SMARCAL1: variants seen among roughly 807,000 people sequenced by gnomAD.
SMARCAL1 encodes the protein ATP-driven annealing helicase.
Under a neutral mutation model 94.5 loss-of-function variants are expected in SMARCAL1, and 58 were observed. The ratio of observed to expected loss-of-function variants is 0.61; its 90% CI spans 0.50 to 0.76. The LOEUF (loss-of-function observed/expected upper bound fraction) is 0.76, where lower values mean the gene tolerates loss of function less well. Among genes scored for constraint, SMARCAL1 ranks in the 30% least tolerant of loss-of-function variants. The pLI, the probability that SMARCAL1 is intolerant of heterozygous loss-of-function variation, is 0.00. For missense variants in SMARCAL1, 1,051 were observed against 1,177.9 expected (o/e 0.89, Z 1.58); for synonymous variants, 422 against 455.1 (o/e 0.93, Z 0.93).
At chr2:216,439,955 T>A (rs1694162836) in intron 10 of SMARCAL1, among the ~76,000 whole-genome samples, 1 of 150,978 alleles carries the variant, frequency 6.6e-6, no homozygotes, top group South Asian at 2.1e-4. Flanking sequence ...GGCAGGAGAA[T>A]CGCTTGAACC....
At chr2:216,446,565 C>A in intron 10 of SMARCAL1, 1 of 403,944 alleles carries the variant, frequency 2.5e-6, no homozygotes. Context: ...TTCAGACCTG[C>A]CACTGTCTTC....
rs577447852 is a variant in SMARCAL1 at position 216,428,900 on chromosome 2, T to G, written c.1334+118T>G. ...TTATTTACCATGGATAGATGAAAAT[T>G]TAGAAGAGTCTAGGCATTAAACAGC... On this transcript the variant is annotated intron_variant, in intron 7 of 17. Coordinates refer to ENST00000357276, the MANE Select transcript of SMARCAL1 (RefSeq NM_014140.4). 6 of 964,888 alleles carry G rather than the reference T, an allele frequency of 6.2e-6. No homozygotes were observed. In the South Asian group the frequency reaches 6.7e-5, roughly 11 times the overall value. 59.8% of individuals were successfully genotyped at this position (964,888 alleles called of 1,614,324 possible).
intron 3 of SMARCAL1, chr2:216,415,907 G>A (rs1230607491): frequency 5.0e-6 from 2 of 398,760 alleles, no homozygotes; most frequent in African/African-American, 4.1e-5. Flanking sequence ...TGGAAAGGCA[G>A]CGTCAGGATG....
chr2:216,458,982 A>G (rs1694635702), intron 12 of SMARCAL1, among the ~76,000 whole-genome samples: 1 of 152,220 alleles, frequency 6.6e-6, no homozygotes, highest in South Asian at 2.1e-4. Flanking sequence ...AACTTCAGCA[A>G]AGTCTCAGGA....
chr2:216,428,834 C>T, intron 7 of SMARCAL1, 52 bp downstream of exon 7: 1 of 1,481,194 alleles, frequency 6.8e-7, no homozygotes, highest in Non-Finnish European at 9.4e-7. Context: ...TTTCATTACT[C>T]ACCACAGACT....
chr2:216,461,722 T>C (rs369855716), intron 12 of SMARCAL1, among the ~76,000 whole-genome samples: 2 of 151,588 alleles, frequency 1.3e-5, no homozygotes, highest in Non-Finnish European at 2.9e-5. Context: ...CCCAGCTACT[T>C]GGGTAGGAGG....
intron 12 of SMARCAL1, among the ~76,000 whole-genome samples, chr2:216,459,607 G>A (rs1453100659): frequency 5.9e-5 from 9 of 151,818 alleles, no homozygotes; most frequent in Admixed American, 1.3e-4. Context: ...TTTAACAAAT[G>A]GTGCTGGGAA....
intron 12 of SMARCAL1, among the ~76,000 whole-genome samples, chr2:216,463,028 C>A (rs1694740435): frequency 6.6e-6 from 1 of 152,142 alleles, no homozygotes; most frequent in African/African-American, 2.4e-5. Context: ...AACCAGACAG[C>A]TTTTTCCTCC....
chr2:216,459,435 T>C (rs1407707856), intron 12 of SMARCAL1, among the ~76,000 whole-genome samples: 1 of 152,152 alleles, frequency 6.6e-6, no homozygotes, highest in East Asian at 1.9e-4. Context: ...CTTCAAACTA[T>C]ACTACAAGGC....
chr2:216,472,801 A>C (rs1000364340), intron 14 of SMARCAL1, among the ~76,000 whole-genome samples: 1 of 151,940 alleles, frequency 6.6e-6, no homozygotes, highest in Admixed American at 6.6e-5. Context: ...TTTTTACCCC[A>C]TCAAGTCAGT....
At chr2:216,454,846 A>G (rs1452378511) in intron 12 of SMARCAL1, among the ~76,000 whole-genome samples, 1 of 152,182 alleles carries the variant, frequency 6.6e-6, no homozygotes, top group Non-Finnish European at 1.5e-5. Context: ...CTTGTTGGAC[A>G]GTGTTTGCAG....
intron 12 of SMARCAL1, among the ~76,000 whole-genome samples, chr2:216,452,717 CAAAAAGAA>C (rs1477377391): frequency 6.6e-6 from 1 of 150,934 alleles, no homozygotes; most frequent in African/African-American, 2.4e-5. Context: ...GTAGTATGGC[CAAAAAGAA>C]AAAAAGAAAA....
At chr2:216,452,610 G>A (rs954281799) in intron 12 of SMARCAL1, among the ~76,000 whole-genome samples, 2 of 152,168 alleles carry the variant, frequency 1.3e-5, no homozygotes, top group African/African-American at 4.8e-5. Context: ...GAACCAGTTT[G>A]AGAACAGCCA....
In SMARCAL1 at chr2:216,433,081, A is replaced by G. The variant is rs1175565889; in HGVS notation, c.1485+213A>G. Among the ~76,000 whole-genome samples the G allele has an allele frequency of 3.3e-5, 5 of 152,174 alleles. No homozygotes were observed. The South Asian group carries it at 1.0e-3, about 31-fold the overall frequency. ...ACACCTTGAGGGAAGAAAGCCAAGGAGAAACCGGCTTAGAGACTTGTGTTC... is the reference window on the plus strand; with the variant it reads ...ACACCTTGAGGGAAGAAAGCCAAGGGGAAACCGGCTTAGAGACTTGTGTTC... On this transcript the variant is annotated intron_variant, in intron 8 of 17. Coordinates refer to ENST00000357276, the MANE Select transcript of SMARCAL1 (RefSeq NM_014140.4).
At chr2:216,457,334 C>T (rs996165731) in intron 12 of SMARCAL1, among the ~76,000 whole-genome samples, 6 of 152,274 alleles carry the variant, frequency 3.9e-5, no homozygotes, top group African/African-American at 9.6e-5. Flanking sequence ...CTGCACCAAG[C>T]GGACCTAATA....
chr2:216,464,714 A>T (rs1333495997), intron 13 of SMARCAL1, 47 bp downstream of exon 13: 5 of 1,271,050 alleles, frequency 3.9e-6, no homozygotes, highest in Non-Finnish European at 5.7e-6. Flanking sequence ...ATCTTCAAAA[A>T]AAAAAAAAAC....
chr2:216,418,314 GA>G, intron 4 of SMARCAL1, among the ~76,000 whole-genome samples: 1 of 152,062 alleles, frequency 6.6e-6, no homozygotes, highest in East Asian at 1.9e-4. Flanking sequence ...TCATAGAAGA[GA>G]AAAAAAATTC....
At chr2:216,469,107 C>T (rs77233102) in intron 14 of SMARCAL1, among the ~76,000 whole-genome samples, 4,571 of 152,086 alleles carry the variant, frequency 0.03, 149 homozygotes, top group East Asian at 0.16. Flanking sequence ...ATCACTATTA[C>T]GAAGGCAATG....
chr2:216,415,838 T>C (rs955910921), intron 3 of SMARCAL1: 3 of 422,870 alleles, frequency 7.1e-6, no homozygotes, highest in Non-Finnish European at 1.3e-5. Context: ...GTTATTTTAG[T>C]TTTTAAGGTG....
Sources: gnomAD v4.1 joint callset for allele counts (sites outside exome capture counted in the v4.1 genomes callset) on GRCh38, gnomAD v4.1.1 for gene constraint, MANE v1.5 for transcripts, NCBI Gene and HGNC (gene_info 2026-07-23, HGNC 2026-07-21) for gene names.